The following CLCN4 variants were observed in gnomAD, a reference collection of about 807,000 sequenced individuals.
The protein encoded by CLCN4 is Cl-/H+ antiporter 4.
CLCN4 carries 1 observed loss-of-function variant against 41.7 expected under a neutral mutation model. That is an observed-to-expected ratio of 0.02 (90% CI 0.01 to 0.11). The LOEUF is 0.11. CLCN4 is among the 10% of genes least tolerant of loss of function. The probability of loss-of-function intolerance (pLI) is 1.00; values close to 1 mark genes in which losing one functional copy is unlikely to be tolerated. For synonymous variants in CLCN4, 277 were observed against 285.8 expected (o/e 0.97, Z 0.31); for missense variants, 287 against 661.0 (o/e 0.43, Z 6.20).
At position 10,194,895 on chromosome X, in the gene CLCN4, G is replaced by A. The variant is rs757126479; in HGVS notation, c.245-16G>A. ...ATGGGGCGATTCCTCTTAGTGGCTC[G>A]TGTTACTTCTTCCAGGCACCTTGGC... is the stretch of plus-strand genomic sequence containing the variant. On this transcript the variant is annotated splice_polypyrimidine_tract_variant and intron_variant, in intron 4 of 12. Transcript: ENST00000380833. 12 of 1,198,003 alleles carry A rather than the reference G, an allele frequency of 1.0e-5. No individual in the cohort carries two copies. The highest frequency in any genetic ancestry group is 1.2e-5 in the Non-Finnish European group (11 of 890,091).
intron 6 of CLCN4, among the ~76,000 whole-genome samples, chrX:10,201,136 A>T (rs1924228873): frequency 8.9e-6 from 1 of 112,188 alleles, no homozygotes; most frequent in African/African-American, 3.2e-5. Flanking sequence ...GAAAAAACGT[A>T]TGTGCTAAAA....
At chrX:10,179,841 A>G (rs2147164905) in intron 2 of CLCN4, among the ~76,000 whole-genome samples, 1 of 112,448 alleles carries the variant, frequency 8.9e-6, no homozygotes, top group African/African-American at 3.2e-5. Context: ...TAGTGCTGCA[A>G]TTCCTACTTC....
In CLCN4 at chrX:10,209,371, CT is replaced by C. The variant is rs1387256278; in HGVS notation, c.1389+784del. ...TTCCCTTTCCTCTTCCCCCTTTCCC[CT>C]TTCCCCCTTCCCTTCCTTTCGTCTT... On this transcript the variant is annotated intron_variant, in intron 9 of 12. Transcript: ENST00000380833. Among the ~76,000 whole-genome samples the C allele has an allele frequency of 4.8e-5, 3 of 62,108 alleles. No homozygotes were observed. In the East Asian group the frequency reaches 4.5e-3, roughly 94 times the overall value. The allele number at this position is 62,108 out of a possible 115,157, so 53.9% of individuals were successfully genotyped here.
rs17321350 is a variant in CLCN4, at chrX:10,233,677, T to C, written c.*93T>C. On this transcript the variant is annotated 3_prime_UTR_variant, in exon 13 of 13. Transcript: ENST00000380833. ...TATTATCCCAATGAAAGATCATGCA[T>C]TGGGGACAGCAGAAACAAAAGCTTT... The C allele has an allele frequency of 0.028, 20,797 of 733,438 alleles. 231 individuals carry two copies. Among genetic ancestry groups the C allele is most frequent in the Middle Eastern group, 0.044 (143 of 3,286 alleles). The allele number at this position is 733,438 out of a possible 1,213,427, so 60.4% of individuals were successfully genotyped here. A position where few individuals can be genotyped will look rare whatever the true frequency, so the allele number is the denominator to read the frequency against.
At chrX:10,232,694 G>A (rs1602170176) in intron 12 of CLCN4, among the ~76,000 whole-genome samples, 2 of 111,265 alleles carry the variant, frequency 1.8e-5, no homozygotes, top group East Asian at 5.7e-4. Flanking sequence ...GCTATGAATG[G>A]TTGTGCAAAT....
intron 2 of CLCN4, among the ~76,000 whole-genome samples, chrX:10,160,201 C>G (rs1445083070): frequency 2.7e-5 from 3 of 111,406 alleles, no homozygotes. Flanking sequence ...GAGATGATCT[C>G]GAAATATTCT....
intron 2 of CLCN4, among the ~76,000 whole-genome samples, chrX:10,163,365 T>G (rs1602135672): frequency 9.3e-6 from 1 of 107,476 alleles, no homozygotes; most frequent in East Asian, 2.9e-4. Context: ...GTGCAGGAAT[T>G]TTTTTTTTTT....
chrX:10,165,107 G>A (rs755582340), intron 2 of CLCN4, among the ~76,000 whole-genome samples: 22 of 112,982 alleles, frequency 1.9e-4, no homozygotes, highest in South Asian at 7.3e-4. Context: ...GCCTGCAATC[G>A]GGGGTTCATG....
chrX:10,207,465 A>T (rs1384038157), intron 8 of CLCN4, among the ~76,000 whole-genome samples: 1 of 112,409 alleles, frequency 8.9e-6, no homozygotes, highest in Non-Finnish European at 1.9e-5. Context: ...ATAGCATGAA[A>T]GCAGCTGTGA....
At chrX:10,200,367 A>G (rs778811066) in intron 6 of CLCN4, among the ~76,000 whole-genome samples, 1 of 112,621 alleles carries the variant, frequency 8.9e-6, no homozygotes, top group Non-Finnish European at 1.9e-5. Context: ...AGCTGACTGT[A>G]TTTTATTTGA....
At chrX:10,218,588 T>A (rs112146316) in intron 11 of CLCN4, among the ~76,000 whole-genome samples, 1,797 of 112,791 alleles carry the variant, frequency 0.016, 17 homozygotes, top group Middle Eastern at 0.07. Flanking sequence ...TGGTGTCTGA[T>A]GATTTCTGGT....
intron 10 of CLCN4, among the ~76,000 whole-genome samples, 190 bp from the exon 11 acceptor site, chrX:10,213,491 C>T (rs898164524): frequency 6.2e-5 from 7 of 112,085 alleles, no homozygotes; most frequent in Non-Finnish European, 1.3e-4. Context: ...ACTTCAGGCT[C>T]CCCAACGCAA....
intron 5 of CLCN4, 90 bp from the exon 6 acceptor site, chrX:10,197,849 T>G (rs1924136356): frequency 9.0e-7 from 1 of 1,106,342 alleles, no homozygotes; most frequent in Non-Finnish European, 1.2e-6. Flanking sequence ...TCAAAGCTTT[T>G]GTTGTCAAGA....
Position 10,194,458 on chromosome X carries a change from C to T in CLCN4, c.245-453C>T, listed in dbSNP as rs755666622. ...GTTCTCATTTGGTGGCAAAACCTTA[C>T]TCATTTATGATGTGAGGCCGTCGTA... On this transcript the variant is annotated intron_variant, in intron 4 of 12. Transcript: ENST00000380833. Among the ~76,000 whole-genome samples the T allele has an allele frequency of 2.7e-5, 3 of 112,024 alleles. No homozygotes were observed. The East Asian group carries it at 8.4e-4, about 31-fold the overall frequency.
chrX:10,210,487 G>T (rs750430632), intron 9 of CLCN4, among the ~76,000 whole-genome samples: 9 of 109,990 alleles, frequency 8.2e-5, no homozygotes, highest in African/African-American at 1.7e-4. Flanking sequence ...TCTATGAATT[G>T]TCTTTTAATT....
At chrX:10,212,099 C>T (rs769798231) in intron 9 of CLCN4, among the ~76,000 whole-genome samples, 3 of 111,941 alleles carry the variant, frequency 2.7e-5, no homozygotes, top group Admixed American at 9.5e-5. Flanking sequence ...ATTTTAAAAG[C>T]CATTCTGAAT....
intron 11 of CLCN4, among the ~76,000 whole-genome samples, chrX:10,218,476 T>C (rs1250376081): frequency 1.8e-5 from 2 of 112,027 alleles, no homozygotes; most frequent in African/African-American, 3.2e-5. Flanking sequence ...ACAGGAAATA[T>C]TTCTTAAGTG....
chrX:10,181,218 G>A (rs911149256), intron 2 of CLCN4, among the ~76,000 whole-genome samples: 3 of 110,440 alleles, frequency 2.7e-5, no homozygotes, highest in African/African-American at 9.9e-5. Flanking sequence ...AAATTAGCCA[G>A]TGTGGTGGCA....
At chrX:10,204,668 T>C (rs1212190462) in intron 6 of CLCN4, among the ~76,000 whole-genome samples, 1 of 80,901 alleles carries the variant, frequency 1.2e-5, no homozygotes, top group Non-Finnish European at 2.3e-5. Flanking sequence ...CTTTTAAAAA[T>C]GTTAAAACTA....
Sources: gnomAD v4.1 joint callset for allele counts (sites outside exome capture counted in the v4.1 genomes callset) on GRCh38, gnomAD v4.1.1 for gene constraint, MANE v1.5 for transcripts, NCBI Gene and HGNC (gene_info 2026-07-23, HGNC 2026-07-21) for gene names.